The following NFIB variants were observed in gnomAD, a reference collection of about 807,000 sequenced individuals.
The protein encoded by NFIB is nuclear factor I B, also known as nuclear factor 1 B-type.
Under a neutral mutation model 61.5 loss-of-function variants are expected in NFIB, and 11 were observed. That is an observed-to-expected ratio of 0.18 (90% CI 0.11 to 0.30). The LOEUF is 0.30. Among genes scored for constraint, NFIB ranks in the 10% least tolerant of loss-of-function variants. The pLI is 1.00. For synonymous variants in NFIB, 260 were observed against 216.5 expected, an observed-to-expected ratio of 1.20 and a Z score of -1.76; for missense variants, 471 against 608.9, an observed-to-expected ratio of 0.77 and a Z score of 2.38.
At chr9:14,090,675 C>G (rs559885335) in intron 10 of NFIB, among the ~76,000 whole-genome samples, 1 of 152,088 alleles carries the variant, frequency 6.6e-6, no homozygotes, top group East Asian at 1.9e-4. Context: ...AGCAAAAGGA[C>G]TAGGTAAAGC....
the NFIB span, among the ~76,000 whole-genome samples, chr9:14,512,607 G>C: frequency 2.0e-5 from 3 of 151,972 alleles, no homozygotes; most frequent in African/African-American, 7.3e-5. Context: ...AACGTAATAA[G>C]TCCGCCAATT....
chr9:14,321,790 A>T (rs577732728), intron 1 of NFIB, among the ~76,000 whole-genome samples: 1 of 152,326 alleles, frequency 6.6e-6, no homozygotes, highest in Non-Finnish European at 1.5e-5. Context: ...ATAGCCCACA[A>T]CCTGTAAAAC....
At chr9:14,292,660 C>T (rs2059179884) in intron 2 of NFIB, among the ~76,000 whole-genome samples, 2 of 152,180 alleles carry the variant, frequency 1.3e-5, no homozygotes, top group Non-Finnish European at 2.9e-5. Flanking sequence ...CACCTGCAAA[C>T]AGTAGGACCA....
At chr9:14,486,715 A>G in the NFIB span, among the ~76,000 whole-genome samples, 1 of 151,990 alleles carries the variant, frequency 6.6e-6, no homozygotes, top group African/African-American at 2.4e-5. Context: ...ACACACACAC[A>G]TACACACACA....
At chr9:14,348,595 G>A (rs1222922039) in intron 1 of NFIB, among the ~76,000 whole-genome samples, 2 of 152,242 alleles carry the variant, frequency 1.3e-5, no homozygotes, top group African/African-American at 2.4e-5. Context: ...GCCAGCGCCC[G>A]GGTGAAACTA....
At chr9:14,468,872 G>C in the NFIB span, among the ~76,000 whole-genome samples, 25 of 152,262 alleles carry the variant, frequency 1.6e-4, no homozygotes, top group African/African-American at 6.0e-4. Context: ...CAGGTAGAAA[G>C]GTACAGAAGA....
chr9:14,215,927 T>A (rs1029214828), intron 2 of NFIB, among the ~76,000 whole-genome samples: 1 of 152,192 alleles, frequency 6.6e-6, no homozygotes, highest in African/African-American at 2.4e-5. Flanking sequence ...GTACTGAGAA[T>A]TAACTGAATT....
intron 2 of NFIB, among the ~76,000 whole-genome samples, chr9:14,272,717 A>ATT: frequency 7.9e-6 from 1 of 126,972 alleles, no homozygotes; most frequent in African/African-American, 2.8e-5. Context: ...AAAAAAAAAA[A>ATT]AATTCTATCT....
chr9:14,131,361 A>G (rs545164047), intron 6 of NFIB, among the ~76,000 whole-genome samples: 3 of 152,338 alleles, frequency 2.0e-5, no homozygotes, highest in South Asian at 4.1e-4. Context: ...CATACTATAT[A>G]TATTTTTGGC....
chr9:14,327,193 T>A (rs989505121), intron 1 of NFIB, among the ~76,000 whole-genome samples: 2 of 152,222 alleles, frequency 1.3e-5, no homozygotes, highest in African/African-American at 4.8e-5. Context: ...CTAGACAGTC[T>A]ACTGATCCTT....
At chr9:14,329,501 C>T (rs1236591566) in intron 1 of NFIB, among the ~76,000 whole-genome samples, 1 of 151,972 alleles carries the variant, frequency 6.6e-6, no homozygotes, top group East Asian at 1.9e-4. Context: ...TGAGTGACTC[C>T]TTGTCTTTCT....
At chr9:14,529,519 A>C in the NFIB span, among the ~76,000 whole-genome samples, 1 of 152,176 alleles carries the variant, frequency 6.6e-6, no homozygotes, top group Non-Finnish European at 1.5e-5. Context: ...AATCTTCCTT[A>C]CATCCACAAC....
intron 6 of NFIB, among the ~76,000 whole-genome samples, chr9:14,140,033 C>G (rs1003411984): frequency 3.3e-5 from 5 of 152,182 alleles, no homozygotes; most frequent in African/African-American, 1.2e-4. Flanking sequence ...CAAACCATCT[C>G]TTCTTCACAT....
chr9:14,463,659 C>CTTCTTTTTT, the NFIB span, among the ~76,000 whole-genome samples: 1 of 65,824 alleles, frequency 1.5e-5, no homozygotes, highest in East Asian at 4.9e-4. Flanking sequence ...ATTTGATTTT[C>CTTCTTTTTT]TTTTTTTTTT....
At chr9:14,220,842 T>TACACACACACACACAC (rs138623129) in intron 2 of NFIB, among the ~76,000 whole-genome samples, 1,698 of 123,038 alleles carry the variant, frequency 0.014, 46 homozygotes, top group Non-Finnish European at 0.019. Flanking sequence ...TCAATCTCCC[T>TACACACACACACACAC]ACACACACAC....
At chr9:14,278,678 G>A (rs899150271) in intron 2 of NFIB, among the ~76,000 whole-genome samples, 5 of 152,162 alleles carry the variant, frequency 3.3e-5, no homozygotes, top group African/African-American at 1.2e-4. Flanking sequence ...AAGGTATAAT[G>A]TTATTGACTG....
the NFIB span, among the ~76,000 whole-genome samples, chr9:14,463,332 G>A: frequency 2.6e-5 from 4 of 151,822 alleles, no homozygotes; most frequent in Non-Finnish European, 5.9e-5. Context: ...TAAATGGAGA[G>A]CTATACTTTA....
chr9:14,082,443 A>G lies in NFIB; in HGVS notation c.*5866T>C, dbSNP rs2032101915. 1 of 203,918 alleles carries G rather than the reference A, an allele frequency of 4.9e-6. No homozygotes were observed. Among genetic ancestry groups the G allele is most frequent in the East Asian group, 7.5e-5 (1 of 13,256 alleles). The allele number at this position is 203,918 out of a possible 1,614,324, so 12.6% of individuals were successfully genotyped here. On this transcript the variant is annotated 3_prime_UTR_variant, in exon 11 of 11. Transcript: ENST00000380953. ...CTCTTCCCAGGATGCTAAAAGTTCT[A>G]TATGATATAAGCACAAATTAACAGC...
At chr9:14,243,978 G>A (rs1194326904) in intron 2 of NFIB, among the ~76,000 whole-genome samples, 1 of 152,184 alleles carries the variant, frequency 6.6e-6, no homozygotes, top group African/African-American at 2.4e-5. Context: ...GTTATCACGT[G>A]AGAATTAGCA....
Sources: allele counts gnomAD v4.1 joint callset (sites outside exome capture counted in the v4.1 genomes callset), GRCh38; gene constraint gnomAD v4.1.1; transcripts MANE v1.5; gene names NCBI Gene and HGNC (gene_info 2026-07-23, HGNC 2026-07-21).